Variants in SCARA5 observed in about 807,000 individuals in gnomAD.
SCARA5 encodes scavenger receptor class A member 5, also known as scavenger receptor class A, member 5 (putative).
In SCARA5, 45 loss-of-function variants were observed where a neutral mutation model predicts 46.3. The observed-to-expected ratio is 0.97, with a 90% CI of 0.76 to 1.24. The LOEUF (loss-of-function observed/expected upper bound fraction) is 1.24. Among genes scored for constraint, SCARA5 ranks in the 50% most tolerant of loss-of-function variants. SCARA5 has a pLI of 0.00. For synonymous variants in SCARA5, 333 were observed against 306.5 expected, an observed-to-expected ratio of 1.09 and a Z score of -0.90; for missense variants, 680 against 689.0, an observed-to-expected ratio of 0.99 and a Z score of 0.15.
At chr8:27,913,845 T>A (rs2129785078) in intron 4 of SCARA5, among the ~76,000 whole-genome samples, 1 of 152,308 alleles carries the variant, frequency 6.6e-6, no homozygotes, top group African/African-American at 2.4e-5. Flanking sequence ...TACAGCTCGG[T>A]GCTCATGGTC....
chr8:27,883,247 C>A (rs55830404), intron 7 of SCARA5, among the ~76,000 whole-genome samples: 40,179 of 152,124 alleles, frequency 0.26, 5,689 homozygotes, highest in Middle Eastern at 0.39. Context: ...CCAAAGAACA[C>A]CAGAGCAACT....
At chr8:27,897,564 C>G (rs190032330) in intron 7 of SCARA5, among the ~76,000 whole-genome samples, 2 of 152,376 alleles carry the variant, frequency 1.3e-5, no homozygotes, top group East Asian at 3.9e-4. Context: ...GGGCAAACCC[C>G]CAAAGCCACT....
rs1202513039 is a variant in SCARA5 at position 27,905,525 on chromosome 8, G to C, written c.1097-691C>G. 1.0e-4 allele frequency among the ~76,000 whole-genome samples: 4 copies of C among 39,096 alleles called. 1 individual carries two copies. The highest frequency in any genetic ancestry group is 3.2e-3 in the South Asian group (2 of 626). 25.6% of individuals were successfully genotyped at this position (39,096 alleles called of 152,430 possible). On this transcript the variant is annotated intron_variant, in intron 6 of 8. Transcript: ENST00000354914. Reference sequence around the variant, plus strand: ...AATGCCCAGGATGATCCAAGATTTGGGGGGGGGAAAAAAAAAAGGCAGCCA... The same window carrying C: ...AATGCCCAGGATGATCCAAGATTTGCGGGGGGGAAAAAAAAAAGGCAGCCA...
intron 2 of SCARA5, among the ~76,000 whole-genome samples, chr8:27,982,237 G>T (rs567001394): frequency 6.6e-6 from 1 of 152,024 alleles, no homozygotes; most frequent in Admixed American, 6.5e-5. Flanking sequence ...CCTCTCTCTG[G>T]CCCTCGGAAA....
chr8:27,917,811 TA>T (rs1455846751), intron 4 of SCARA5, among the ~76,000 whole-genome samples: 2 of 152,160 alleles, frequency 1.3e-5, no homozygotes, highest in Admixed American at 1.3e-4. Context: ...TAATCCCTGC[TA>T]GGGGCAAGGG....
intron 8 of SCARA5, among the ~76,000 whole-genome samples, chr8:27,872,516 GC>G (rs1249163708): frequency 6.6e-6 from 1 of 152,196 alleles, no homozygotes; most frequent in Non-Finnish European, 1.5e-5. Context: ...GACATTTTCA[GC>G]CCCTGTTGTC....
chr8:27,904,841 C>T lies in SCARA5; in HGVS notation c.1097-7G>A. 1.2e-6 allele frequency: 2 copies of T among 1,602,410 alleles called. No homozygotes were observed. Among genetic ancestry groups the T allele is most frequent in the Non-Finnish European group, 1.7e-6 (2 of 1,173,272 alleles). On this transcript the variant is annotated splice_region_variant and splice_polypyrimidine_tract_variant and intron_variant, in intron 6 of 8. Coordinates refer to ENST00000354914, the MANE Select transcript of SCARA5 (RefSeq NM_173833.6). ...CCTTTTGGGCCTCGGTCACCTAAAA[C>T]AGAGGAGGAAACTGGCATTAGAAAT...
intron 4 of SCARA5, among the ~76,000 whole-genome samples, chr8:27,914,417 C>T (rs1807428189): frequency 6.6e-6 from 1 of 152,226 alleles, no homozygotes; most frequent in Non-Finnish European, 1.5e-5. Context: ...CACAATGCCC[C>T]TGTGGGAGCA....
chr8:27,889,521 T>C (rs1806950084), intron 7 of SCARA5, among the ~76,000 whole-genome samples: 1 of 149,498 alleles, frequency 6.7e-6, no homozygotes, highest in Non-Finnish European at 1.5e-5. Context: ...ACTTGAGACT[T>C]AGCCCTCGGG....
At chr8:27,884,205 G>A (rs117030043) in intron 7 of SCARA5, among the ~76,000 whole-genome samples, 3,638 of 152,262 alleles carry the variant, frequency 0.024, 54 homozygotes, top group Non-Finnish European at 0.035. Context: ...CCAGGTGACC[G>A]TTCTCCCCAC....
At chr8:27,972,782 T>C (rs868557254) in intron 2 of SCARA5, among the ~76,000 whole-genome samples, 2 of 150,772 alleles carry the variant, frequency 1.3e-5, no homozygotes, top group Non-Finnish European at 2.9e-5. Context: ...GAGGATCACT[T>C]GAGCCTAGGA....
chr8:27,964,381 C>A (rs1400688734), intron 3 of SCARA5, among the ~76,000 whole-genome samples: 1 of 152,142 alleles, frequency 6.6e-6, no homozygotes, highest in East Asian at 1.9e-4. Context: ...TACCCAGAAA[C>A]TTCAGGTTCT....
chr8:27,968,795 C>T (rs1483039018), intron 2 of SCARA5, among the ~76,000 whole-genome samples: 1 of 152,114 alleles, frequency 6.6e-6, no homozygotes, highest in Non-Finnish European at 1.5e-5. Flanking sequence ...GTTGCTAGTT[C>T]ACTGTAGGAG....
intron 2 of SCARA5, among the ~76,000 whole-genome samples, chr8:27,977,648 C>T (rs1028153530): frequency 3.3e-5 from 5 of 152,216 alleles, no homozygotes; most frequent in African/African-American, 1.2e-4. Context: ...TAAAAACCCC[C>T]AGCACTTGTG....
At chr8:27,919,261 A>C (rs1807543393) in intron 4 of SCARA5, among the ~76,000 whole-genome samples, 1 of 151,494 alleles carries the variant, frequency 6.6e-6, no homozygotes, top group African/African-American at 2.4e-5. Context: ...GAGAAAGAGG[A>C]GAAGGAAGAG....
At chr8:27,957,130 G>A (rs1385455567) in intron 3 of SCARA5, among the ~76,000 whole-genome samples, 1 of 152,060 alleles carries the variant, frequency 6.6e-6, no homozygotes, top group Non-Finnish European at 1.5e-5. Flanking sequence ...GGAAGGGAGG[G>A]GTGGACTCAA....
intron 2 of SCARA5, among the ~76,000 whole-genome samples, chr8:27,976,939 C>T (rs946340068): frequency 2.0e-5 from 3 of 152,210 alleles, no homozygotes; most frequent in African/African-American, 7.2e-5. Flanking sequence ...AGCCCTCAGT[C>T]CTGGCTTAGC....
At chr8:27,905,524 G>GGCGGGGGGGGC (rs201408036) in intron 6 of SCARA5, among the ~76,000 whole-genome samples, 3 of 30,960 alleles carry the variant, frequency 9.7e-5, no homozygotes, top group Admixed American at 3.2e-4. Context: ...TCCAAGATTT[G>GGCGGGGGGGGC]GGGGGGGGAA....
At chr8:27,878,215 T>C (rs1461859908) in intron 8 of SCARA5, among the ~76,000 whole-genome samples, 5 of 152,116 alleles carry the variant, frequency 3.3e-5, no homozygotes, top group Admixed American at 6.5e-5. Flanking sequence ...TCTCCACAGG[T>C]GAGCAGTGGC....
Sources: allele counts gnomAD v4.1 joint callset (sites outside exome capture counted in the v4.1 genomes callset), GRCh38; gene constraint gnomAD v4.1.1; transcripts MANE v1.5; gene names NCBI Gene and HGNC (gene_info 2026-07-23, HGNC 2026-07-21).